BRSK2: variants seen among roughly 807,000 people sequenced by gnomAD.
The protein encoded by BRSK2 is serine/threonine-protein kinase BRSK2.
In BRSK2, 19 loss-of-function variants were observed where a neutral mutation model predicts 83.3. The observed-to-expected ratio is 0.23, with a 90% CI of 0.16 to 0.33. The LOEUF is 0.33. Among genes scored for constraint, BRSK2 ranks in the 10% least tolerant of loss-of-function variants. BRSK2 has a pLI of 1.00. For synonymous variants in BRSK2, 519 were observed against 435.4 expected (o/e 1.19, Z -2.39); for missense variants, 798 against 1,042.3 (o/e 0.77, Z 3.23).
At position 1,454,496 on chromosome 11, in the gene BRSK2, A is replaced by G; in HGVS notation, c.1556A>G (p.Lys519Arg). 1 of 1,613,078 alleles carries G rather than the reference A, an allele frequency of 6.2e-7. No individual in the cohort carries two copies. Among genetic ancestry groups the G allele is most frequent in the Non-Finnish European group, 8.5e-7 (1 of 1,179,886 alleles). Residue 519 changes from lysine to arginine, a missense_variant, in exon 16 of 20, where the codon AAG becomes AGG. Around this residue, in one of 6 missense-constraint regions of BRSK2, gnomAD observed 455 missense variants for 455.2 expected, o/e 1.00. Coordinates refer to ENST00000528841, the MANE Select transcript of BRSK2 (RefSeq NM_001256627.2). This position sits in a 1 kb window ranked among gnomAD's most constrained non-coding sequence, Gnocchi z 5.2. ...TPESSPELAK[K>R]SWFGNFISLE... ...CTCCCACTGCCCAGGCTGGCGAAGAAGTCCTGGTTTGGGAACTTCATCAGC... is the reference window on the plus strand; with the variant it reads ...CTCCCACTGCCCAGGCTGGCGAAGAGGTCCTGGTTTGGGAACTTCATCAGC...
chr11:1,448,485 T>C (rs1466207548), intron 12 of BRSK2, among the ~76,000 whole-genome samples: 1 of 152,160 alleles, frequency 6.6e-6, no homozygotes, highest in Non-Finnish European at 1.5e-5. Flanking sequence ...CCCCAGCAAC[T>C]GTAGCTCAGT....
In BRSK2 at chr11:1,461,041, C is replaced by T. The variant is rs746863537; in HGVS notation, c.*318C>T. ...TGTGACCGAAGGCAGCTGCTGCGGA[C>T]CCGCCCTCCCTCCGCTCCTGCTGTT... is the stretch of plus-strand genomic sequence containing the variant. On this transcript the variant is annotated 3_prime_UTR_variant, in exon 20 of 20. Transcript: ENST00000528841. 2 of 1,609,078 alleles carry T rather than the reference C, an allele frequency of 1.2e-6. No individual in the cohort carries two copies. Among genetic ancestry groups the T allele is most frequent in the South Asian group, 1.1e-5 (1 of 90,686 alleles).
chr11:1,443,579 G>A lies in BRSK2; in HGVS notation c.724G>A (p.Asp242Asn), dbSNP rs1851637937. 6.2e-6 allele frequency: 10 copies of A among 1,610,356 alleles called. No individual in the cohort carries two copies. The highest frequency in any genetic ancestry group is 1.7e-5 in the Admixed American group (1 of 59,850). Residue 242 changes from aspartate (D) to asparagine (N), a missense_variant, in exon 8 of 20, where the codon GAC becomes AAC. Asp to Asn is a conservative substitution (Grantham distance 23). Around this residue, in one of 6 missense-constraint regions of BRSK2, gnomAD observed 145 missense variants for 225.4 expected, o/e 0.64. Coordinates refer to ENST00000528841, the MANE Select transcript of BRSK2 (RefSeq NM_001256627.2). ...CCACATGCCGCACTTTATCCCGCCC[G>A]ACTGCCAGAGTCTGCTACGGGGCAT... ...VFHMPHFIPP[D>N]CQSLLRGMIE...
chr11:1,460,381 C>T (rs1847279687), intron 19 of BRSK2, 119 bp from the exon 20 acceptor site: 5 of 933,734 alleles, frequency 5.4e-6, no homozygotes, highest in Non-Finnish European at 5.8e-6. Flanking sequence ...GTCGAGGCCT[C>T]TTCGTTCATT....
Position 1,438,487 on chromosome 11 carries a change from G to A in BRSK2, c.272+96G>A. 1 of 1,141,182 alleles carries A rather than the reference G, an allele frequency of 8.8e-7. No homozygotes were observed. Among genetic ancestry groups the A allele is most frequent in the Non-Finnish European group, 1.3e-6 (1 of 771,692 alleles). 70.7% of individuals were successfully genotyped at this position (1,141,182 alleles called of 1,614,324 possible). On this transcript the variant is annotated intron_variant, in intron 3 of 19. Transcript: ENST00000528841. The surrounding 1 kb of genome is among the most constrained non-coding windows in gnomAD (Gnocchi z 6.4). Reference sequence around the variant, plus strand: ...GGGCTTGGGGAGCACAGGGGCTGGAGGCCAGGGGCGCCTGCTGCATCCCAG... The same window carrying A: ...GGGCTTGGGGAGCACAGGGGCTGGAAGCCAGGGGCGCCTGCTGCATCCCAG...
chr11:1,405,863 G>A (rs1590335600), intron 1 of BRSK2, among the ~76,000 whole-genome samples: 1 of 151,922 alleles, frequency 6.6e-6, no homozygotes, highest in African/African-American at 2.4e-5. Context: ...CCTTGGCCCC[G>A]CAGGCCCCAC....
rs558834651 is a variant in BRSK2, at chr11:1,450,634, G to A, written c.1335G>A (p.Lys445=). ...SPRGSPLPTP[K]GTPVHTPKES... is the part of the protein sequence containing the mutation. ...GGGGCAGTCCCCTCCCCACCCCCAA[G>A]GGGACACCTGTCCACACGCCAAAGG... is the stretch of plus-strand genomic sequence containing the variant. The change falls in exon 14 of 20, where the codon AAG becomes AAA. Residue 445 remains lysine, a synonymous_variant. Transcript: ENST00000528841. 6.2e-7 allele frequency: 1 copy of A among 1,604,856 alleles called. No homozygotes were observed. Among genetic ancestry groups the A allele is most frequent in the Non-Finnish European group, 8.5e-7 (1 of 1,177,132 alleles).
intron 1 of BRSK2, among the ~76,000 whole-genome samples, chr11:1,415,605 C>G (rs1386658064): frequency 6.6e-6 from 1 of 152,162 alleles, no homozygotes; most frequent in Non-Finnish European, 1.5e-5. Context: ...TTTTAGTCAG[C>G]CTCATTTGGG....
intron 1 of BRSK2, among the ~76,000 whole-genome samples, chr11:1,428,883 C>T (rs578184726): frequency 2.0e-5 from 3 of 148,234 alleles, no homozygotes; most frequent in South Asian, 2.2e-4. Flanking sequence ...TGTGTGCACA[C>T]GGGTTACTGG....
At position 1,460,662 on chromosome 11, in the gene BRSK2, A is replaced by G; in HGVS notation, c.2150A>G (p.Tyr717Cys). Residue 717 changes from tyrosine (Y) to cysteine (C), a missense_variant, in exon 20 of 20, where the codon TAC becomes TGC. Physicochemically the swap from Tyr to Cys is radical, Grantham distance 194. Transcript: ENST00000528841. Reference protein sequence around the residue: ...AGPGPGGDAEYPTGKDTAKMG... With the variant: ...AGPGPGGDAECPTGKDTAKMG... The stretch of plus-strand genomic sequence containing the variant: ...CCTGGCCCCGGAGGGGACGCCGAGT[A>G]CCCAACGGGCAAGGACACGGCCAAG... 1 of 1,524,298 alleles carries G rather than the reference A, an allele frequency of 6.6e-7. No homozygotes were observed. The highest frequency in any genetic ancestry group is 8.8e-7 in the Non-Finnish European group (1 of 1,141,336). The allele number at this position is 1,524,298 out of a possible 1,614,324, so 94.4% of individuals were successfully genotyped here.
chr11:1,423,012 G>C lies in BRSK2; in HGVS notation c.92-13028G>C, dbSNP rs117266612. On this transcript the variant is annotated intron_variant, in intron 1 of 19. Transcript: ENST00000528841. This position sits in a 1 kb window ranked among gnomAD's most constrained non-coding sequence, Gnocchi z 6.5. ...CCTGGGAAAGGGAACAGAGCTTTGC[G>C]AAGATCAAGGGGAGGGCAATGCAGC... is the stretch of plus-strand genomic sequence containing the variant. Among the ~76,000 whole-genome samples the C allele has an allele frequency of 5.9e-5, 9 of 152,178 alleles. No homozygotes were observed. The highest frequency in any genetic ancestry group is 1.3e-4 in the Non-Finnish European group (9 of 68,016).
intron 1 of BRSK2, among the ~76,000 whole-genome samples, chr11:1,396,731 CCTGCTGGG>C (rs774881855): frequency 6.6e-6 from 1 of 152,230 alleles, no homozygotes; most frequent in Non-Finnish European, 1.5e-5. Flanking sequence ...AGTCAGCAGC[CCTGCTGGG>C]CAGCCGGCAC....
chr11:1,454,607 C>T lies in BRSK2; in HGVS notation c.1667C>T (p.Ser556Leu), dbSNP rs1432846774. 1.2e-6 allele frequency: 2 copies of T among 1,612,758 alleles called. No individual in the cohort carries two copies. The highest frequency in any genetic ancestry group is 1.7e-6 in the Non-Finnish European group (2 of 1,179,878). The change falls in exon 16 of 20, where the codon TCG (serine) becomes TTG (leucine). Residue 556 changes from serine to leucine, a missense_variant and splice_region_variant. Coordinates refer to ENST00000528841, the MANE Select transcript of BRSK2 (RefSeq NM_001256627.2). This position sits in a 1 kb window ranked among gnomAD's most constrained non-coding sequence, Gnocchi z 5.2. ...IKADIVHAFL[S>L]IPSLSHSVIS... ...GCTGACATCGTGCACGCCTTCCTGT[C>T]GGTGAGGCCACAGGGCGCTGGGGGA...
At chr11:1,407,544 C>T (rs1846974564) in intron 1 of BRSK2, among the ~76,000 whole-genome samples, 1 of 152,076 alleles carries the variant, frequency 6.6e-6, no homozygotes, top group African/African-American at 2.4e-5. Context: ...TCATGGGGTG[C>T]CTCAGACCCC....
intron 1 of BRSK2, among the ~76,000 whole-genome samples, chr11:1,422,935 T>C (rs1340764423): frequency 6.6e-6 from 1 of 152,200 alleles, no homozygotes; most frequent in African/African-American, 2.4e-5. Context: ...AGGATGGACC[T>C]CGAGGTCTCT....
chr11:1,448,706 GC>G (rs2133166983), intron 12 of BRSK2, among the ~76,000 whole-genome samples: 1 of 152,332 alleles, frequency 6.6e-6, no homozygotes, highest in Admixed American at 6.5e-5. Flanking sequence ...TCCAGTTCCA[GC>G]CCTGGGTGTC....
intron 18 of BRSK2, among the ~76,000 whole-genome samples, chr11:1,457,417 G>A (rs950289587): frequency 2.0e-5 from 3 of 151,352 alleles, no homozygotes; most frequent in African/African-American, 7.3e-5. Flanking sequence ...CACAGGGGAG[G>A]GTTGCCCCAG....
chr11:1,453,130 G>C (rs1658775772), intron 15 of BRSK2, among the ~76,000 whole-genome samples: 1 of 152,242 alleles, frequency 6.6e-6, no homozygotes, highest in African/African-American at 2.4e-5. Flanking sequence ...TCCCCCGCCA[G>C]ACTCAACAGG....
chr11:1,436,146 C>CG lies in BRSK2; in HGVS notation c.186+16dup. The CG allele has an allele frequency of 1.0e-5, 1 of 96,056 alleles. No individual in the cohort carries two copies. The highest frequency in any genetic ancestry group is 1.9e-5 in the Non-Finnish European group (1 of 51,444). The allele number at this position is 96,056 out of a possible 1,614,324, so 6.0% of individuals were successfully genotyped here. A position where few individuals can be genotyped will look rare whatever the true frequency, so the allele number is the denominator to read the frequency against. ...CGGTGCTGATGAAGGTGGGTGGGGC[C>CG]GGGGAGGGAGGCGGGGCCGGCGGTG... On this transcript the variant is annotated intron_variant, in intron 2 of 19. Coordinates refer to ENST00000528841, the MANE Select transcript of BRSK2 (RefSeq NM_001256627.2).
Sources: allele counts gnomAD v4.1 joint callset (sites outside exome capture counted in the v4.1 genomes callset), GRCh38; gene constraint gnomAD v4.1.1; regional missense constraint gnomAD v4.1.1; non-coding constraint Gnocchi (gnomAD v3.1); transcripts MANE v1.5; gene names NCBI Gene and HGNC (gene_info 2026-07-23, HGNC 2026-07-21).